KLF15: variants seen among roughly 807,000 people sequenced by gnomAD.
KLF15 encodes Krueppel-like factor 15.
In KLF15, 4 loss-of-function variants were observed where a neutral mutation model predicts 24.6. The ratio of observed to expected loss-of-function variants is 0.16; its 90% CI spans 0.08 to 0.37. The LOEUF is 0.37. Ranked by LOEUF, KLF15 falls within the 10% of genes least tolerant of loss-of-function variation. KLF15 has a pLI of 1.00. For synonymous variants in KLF15, 246 were observed against 236.3 expected (o/e 1.04, Z -0.37); for missense variants, 496 against 560.6 (o/e 0.88, Z 1.16).
intron 2 of KLF15, among the ~76,000 whole-genome samples, chr3:126,347,175 C>G (rs2082541383): frequency 6.6e-6 from 1 of 152,156 alleles, no homozygotes; most frequent in Non-Finnish European, 1.5e-5. Context: ...CTGGTGCATA[C>G]AGCACTTCTG....
intron 2 of KLF15, among the ~76,000 whole-genome samples, chr3:126,345,585 G>A (rs950538021): frequency 1.3e-5 from 2 of 149,818 alleles, no homozygotes; most frequent in Non-Finnish European, 3.0e-5. Context: ...ACAAATTCAT[G>A]CCCCCATGTA....
At chr3:126,323,252 T>C in the KLF15 span, among the ~76,000 whole-genome samples, 1 of 150,098 alleles carries the variant, frequency 6.7e-6, no homozygotes, top group East Asian at 2.0e-4. Context: ...ACCCCATGGT[T>C]CTCTCTCTCC....
chr3:126,353,083 A>G (rs1043108567), intron 1 of KLF15, 136 bp from the exon 2 acceptor site: 2 of 1,035,310 alleles, frequency 1.9e-6, no homozygotes, highest in African/African-American at 3.3e-5. Flanking sequence ...TCCATCCCCC[A>G]GGAGAGCTGT....
chr3:126,310,041 C>T, the KLF15 span, among the ~76,000 whole-genome samples: 5 of 152,224 alleles, frequency 3.3e-5, no homozygotes, highest in African/African-American at 9.6e-5. Context: ...GCCAAGGCAC[C>T]GGCATTTGGC....
At chr3:126,337,834 T>A (rs2082450084), downstream of KLF15, among the ~76,000 whole-genome samples, 1 of 152,232 alleles carries the variant, frequency 6.6e-6, no homozygotes, top group Admixed American at 6.5e-5. Context: ...AGTCTGGCTC[T>A]AAATTCTTCT....
chr3:126,298,041 G>T, the KLF15 span, among the ~76,000 whole-genome samples: 1 of 152,262 alleles, frequency 6.6e-6, no homozygotes, highest in African/African-American at 2.4e-5. Context: ...TTCCGTAGTG[G>T]TTGTACTAGT....
At chr3:126,307,598 C>T in the KLF15 span, among the ~76,000 whole-genome samples, 1 of 152,208 alleles carries the variant, frequency 6.6e-6, no homozygotes, top group Non-Finnish European at 1.5e-5. Context: ...GTGGGAGACT[C>T]AGCCACACTT....
Position 126,343,397 on chromosome 3 carries a change from G to C in KLF15, c.*330C>G, listed in dbSNP as rs896913598. The C allele has an allele frequency of 6.7e-5, 21 of 312,748 alleles. No homozygotes were observed. Among genetic ancestry groups the C allele is most frequent in the African/African-American group, 4.4e-4 (20 of 44,986 alleles). The allele number at this position is 312,748 out of a possible 1,614,324, so 19.4% of individuals were successfully genotyped here. ...CCCAGGATGGGGGAGCCCAGTGGGA[G>C]AAGGGCCAGGTCCCCAAAACTCTGC... On this transcript the variant is annotated 3_prime_UTR_variant, in exon 3 of 3. Transcript: ENST00000296233.
At chr3:126,299,047 T>G in the KLF15 span, among the ~76,000 whole-genome samples, 220 of 152,326 alleles carry the variant, frequency 1.4e-3, 1 homozygote, top group African/African-American at 5.1e-3. Flanking sequence ...ATCTGTAGAT[T>G]GCTTTTGGCA....
At chr3:126,349,336 CA>C (rs2082562917) in intron 2 of KLF15, among the ~76,000 whole-genome samples, 1 of 152,182 alleles carries the variant, frequency 6.6e-6, no homozygotes, top group African/African-American at 2.4e-5. Flanking sequence ...AAGCCCGGGG[CA>C]TGGCTGGCAG....
In KLF15 at chr3:126,352,472, TCTC is replaced by T; in HGVS notation, c.448_450del (p.Glu150del). On this transcript the variant is annotated inframe_deletion, in exon 2 of 3. Coordinates refer to ENST00000296233, the MANE Select transcript of KLF15 (RefSeq NM_014079.4). ...ACCTCCTTGACTCCAGGCTCCATGTTCTCCTCCAGAAACTCTTCAATCTCCTCC... is the reference window on the plus strand; with the variant it reads ...ACCTCCTTGACTCCAGGCTCCATGTTCTCCAGAAACTCTTCAATCTCCTCC... 2 of 1,613,482 alleles carry T rather than the reference TCTC, an allele frequency of 1.2e-6. No homozygotes were observed. The highest frequency in any genetic ancestry group is 1.7e-6 in the Non-Finnish European group (2 of 1,180,020).
the KLF15 span, among the ~76,000 whole-genome samples, chr3:126,307,796 C>T: frequency 6.6e-6 from 1 of 152,200 alleles, no homozygotes; most frequent in Admixed American, 6.5e-5. Context: ...CTGTGCGTCC[C>T]CAGCTGGCCA....
At chr3:126,338,549 G>C (rs1185667501), downstream of KLF15, among the ~76,000 whole-genome samples, 1 of 152,200 alleles carries the variant, frequency 6.6e-6, no homozygotes, top group Non-Finnish European at 1.5e-5. Context: ...GAGACCCTGA[G>C]AGCCACACTT....
At chr3:126,299,449 C>T in the KLF15 span, among the ~76,000 whole-genome samples, 1 of 151,746 alleles carries the variant, frequency 6.6e-6, no homozygotes, top group Admixed American at 6.6e-5. Context: ...CTGTTGTACT[C>T]ATAAAAAGAG....
the KLF15 span, among the ~76,000 whole-genome samples, chr3:126,315,560 G>C: frequency 0.029 from 4,435 of 152,220 alleles, 221 homozygotes; most frequent in African/African-American, 0.1. Context: ...AGTCAGGGGG[G>C]ACAGGAGGAG....
the KLF15 span, among the ~76,000 whole-genome samples, chr3:126,308,388 C>A: frequency 1.3e-5 from 2 of 152,140 alleles, no homozygotes; most frequent in African/African-American, 4.8e-5. Context: ...CTTGTTTGAG[C>A]CAGTTCTCTT....
chr3:126,318,889 G>A, the KLF15 span, among the ~76,000 whole-genome samples: 35 of 152,098 alleles, frequency 2.3e-4, no homozygotes, highest in African/African-American at 4.8e-5. Context: ...TTTGACAAAC[G>A]TATCCACCAT....
chr3:126,341,484 T>C (rs2107548794), downstream of KLF15, among the ~76,000 whole-genome samples: 1 of 152,328 alleles, frequency 6.6e-6, no homozygotes, highest in East Asian at 1.9e-4. Flanking sequence ...TTAACAAGGC[T>C]GGAAATCAAT....
At chr3:126,295,286 AC>A in the KLF15 span, among the ~76,000 whole-genome samples, 1 of 152,216 alleles carries the variant, frequency 6.6e-6, no homozygotes, top group Non-Finnish European at 1.5e-5. Flanking sequence ...CCTTACAACA[AC>A]TTTAAGAGCA....
Sources: gnomAD v4.1 joint callset for allele counts (sites outside exome capture counted in the v4.1 genomes callset) on GRCh38, gnomAD v4.1.1 for gene constraint, MANE v1.5 for transcripts, NCBI Gene and HGNC (gene_info 2026-07-23, HGNC 2026-07-21) for gene names.